Variants in SLC36A1 observed in about 807,000 individuals in gnomAD.
SLC36A1 encodes the protein proton-coupled amino acid transporter 1.
SLC36A1 carries 30 observed loss-of-function variants against 47.5 expected under a neutral mutation model. That is an observed-to-expected ratio of 0.63 (90% confidence interval 0.47 to 0.86). SLC36A1 has a LOEUF of 0.86. Ranked by LOEUF, SLC36A1 falls within the 40% of genes least tolerant of loss-of-function variation. The pLI, the probability that SLC36A1 is intolerant of heterozygous loss-of-function variation, is 0.00. For missense variants in SLC36A1, 517 were observed against 606.0 expected (o/e 0.85, Z 1.54); for synonymous variants, 255 against 249.7 (o/e 1.02, Z -0.20).
At chr5:151,371,515 T>C in the SLC36A1 span, among the ~76,000 whole-genome samples, 3 of 152,218 alleles carry the variant, frequency 2.0e-5, no homozygotes, top group African/African-American at 7.2e-5. Context: ...TGTCACATTA[T>C]AATATGTTAA....
the SLC36A1 span, chr5:151,546,456 T>C: frequency 4.6e-6 from 3 of 656,916 alleles, no homozygotes; most frequent in Non-Finnish European, 7.8e-6. Flanking sequence ...CTGCATATAG[T>C]GTATACCCAC....
the SLC36A1 span, chr5:151,366,479 C>A: frequency 3.4e-6 from 1 of 295,210 alleles, no homozygotes; most frequent in Non-Finnish European, 6.9e-6. Context: ...ACCAAAAATC[C>A]CACAAAGCCC....
Position 151,479,354 on chromosome 5 carries a change from G to A in SLC36A1, c.1024G>A (p.Gly342Arg), listed in dbSNP as rs1758505574. The change falls in exon 10 of 11, where the codon GGG becomes AGG. Residue 342 changes from glycine to arginine, a missense_variant. Gly to Arg is a moderately radical substitution (Grantham distance 125). Transcript: ENST00000243389. ...YQSVKLLYSI[G>R]IFFTYALQFY... ...GTCAGTTAAGCTGCTGTACTCCATC[G>A]GGATCTTTTTCACCTACGCACTCCA... The A allele has an allele frequency of 2.5e-6, 4 of 1,613,984 alleles. No homozygotes were observed. Among genetic ancestry groups the A allele is most frequent in the African/African-American group, 2.7e-5 (2 of 74,886 alleles).
chr5:151,543,348 G>T, the SLC36A1 span: 1 of 1,614,170 alleles, frequency 6.2e-7, no homozygotes. Flanking sequence ...TGGATTGAAT[G>T]GATACTGTGT....
intron 1 of SLC36A1, among the ~76,000 whole-genome samples, chr5:151,458,584 A>G (rs1755034614): frequency 6.6e-6 from 1 of 152,154 alleles, no homozygotes; most frequent in South Asian, 2.1e-4. Flanking sequence ...GATGGGAGTC[A>G]GAAGTCAAGT....
chr5:151,546,461 A>G, the SLC36A1 span: 1 of 643,228 alleles, frequency 1.6e-6, no homozygotes, highest in Non-Finnish European at 2.7e-6. Flanking sequence ...TATAGTGTAT[A>G]CCCACCCTGG....
chr5:151,527,490 C>A, the SLC36A1 span: 1 of 1,034,280 alleles, frequency 9.7e-7, no homozygotes, highest in Non-Finnish European at 1.3e-6. Flanking sequence ...CTTTCCTATG[C>A]CCACCCCCAC....
At chr5:151,529,348 T>C in the SLC36A1 span, 41 of 1,613,926 alleles carry the variant, frequency 2.5e-5, no homozygotes, top group African/African-American at 4.0e-5. Flanking sequence ...AGGAAGTACT[T>C]GGGGCTTGTC....
At chr5:151,554,611 G>T in the SLC36A1 span, 1 of 1,614,158 alleles carries the variant, frequency 6.2e-7, no homozygotes, top group Non-Finnish European at 8.5e-7. Context: ...TGACGTCCAA[G>T]ATGCCTACCA....
the SLC36A1 span, among the ~76,000 whole-genome samples, chr5:151,509,083 A>G: frequency 6.6e-6 from 1 of 152,210 alleles, no homozygotes; most frequent in Non-Finnish European, 1.5e-5. Flanking sequence ...CCCACACAGT[A>G]TGAGGCACAG....
At chr5:151,398,860 C>T in the SLC36A1 span, among the ~76,000 whole-genome samples, 2 of 152,010 alleles carry the variant, frequency 1.3e-5, no homozygotes, top group African/African-American at 2.4e-5. Flanking sequence ...TGGGTGTGGG[C>T]ACCACTTCAA....
chr5:151,389,332 G>A, the SLC36A1 span, among the ~76,000 whole-genome samples: 2 of 152,022 alleles, frequency 1.3e-5, no homozygotes, highest in Non-Finnish European at 2.9e-5. Context: ...TCTGTTTATT[G>A]TTCAAGTTCC....
the SLC36A1 span, among the ~76,000 whole-genome samples, chr5:151,426,590 A>G: frequency 1.3e-5 from 2 of 152,144 alleles, no homozygotes; most frequent in Non-Finnish European, 2.9e-5. Context: ...ATCTCAGTAA[A>G]TAGAACATAT....
At chr5:151,553,068 C>T in the SLC36A1 span, 5 of 1,124,026 alleles carry the variant, frequency 4.4e-6, no homozygotes, top group South Asian at 1.4e-5. Context: ...GAGGGGCTGC[C>T]GAGGAGCCCG....
At chr5:151,508,576 G>A in the SLC36A1 span, among the ~76,000 whole-genome samples, 5 of 152,164 alleles carry the variant, frequency 3.3e-5, no homozygotes, top group African/African-American at 4.8e-5. Flanking sequence ...CAGGTGTTAT[G>A]GCACATGCCT....
the SLC36A1 span, among the ~76,000 whole-genome samples, chr5:151,355,943 T>A: frequency 2.6e-5 from 4 of 152,188 alleles, no homozygotes; most frequent in African/African-American, 9.7e-5. Context: ...AAGTGGACAC[T>A]TAGGGGTGAA....
chr5:151,498,859 T>C, the SLC36A1 span, among the ~76,000 whole-genome samples: 14 of 152,262 alleles, frequency 9.2e-5, no homozygotes, highest in Admixed American at 5.9e-4. Flanking sequence ...AGTCAGAACT[T>C]TACAGCTCCC....
chr5:151,358,943 C>T, the SLC36A1 span, among the ~76,000 whole-genome samples: 9 of 137,132 alleles, frequency 6.6e-5, no homozygotes, highest in Non-Finnish European at 1.2e-4. Flanking sequence ...CACTGCAGTC[C>T]GCAGTCCGGC....
chr5:151,373,736 A>G, the SLC36A1 span, among the ~76,000 whole-genome samples: 1 of 152,188 alleles, frequency 6.6e-6, no homozygotes, highest in Non-Finnish European at 1.5e-5. Context: ...CTTATTTTTA[A>G]CTTTTAAAAA....
Sources: gnomAD v4.1 joint callset for allele counts (sites outside exome capture counted in the v4.1 genomes callset) on GRCh38, gnomAD v4.1.1 for gene constraint, MANE v1.5 for transcripts, NCBI Gene and HGNC (gene_info 2026-07-23, HGNC 2026-07-21) for gene names.